The following USP48 variants were observed in gnomAD, a reference collection of about 807,000 sequenced individuals.
USP48 encodes ubiquitin carboxyl-terminal hydrolase 48.
Under a neutral mutation model 150.7 loss-of-function variants are expected in USP48, and 43 were observed. That is an observed-to-expected ratio of 0.29 (90% CI 0.22 to 0.37). The LOEUF (loss-of-function observed/expected upper bound fraction) is 0.37. USP48 is among the 10% of genes least tolerant of loss of function. The pLI, the probability that USP48 is intolerant of heterozygous loss-of-function variation, is 1.00. For synonymous variants in USP48, 396 were observed against 425.9 expected (o/e 0.93, Z 0.86); for missense variants, 813 against 1,249.6 (o/e 0.65, Z 5.27).
At chr1:21,704,525 T>C (rs1557454240) in intron 19 of USP48, 133 bp from the exon 20 acceptor site, 24 of 982,628 alleles carry the variant, frequency 2.4e-5, no homozygotes, top group Non-Finnish European at 3.1e-5. Flanking sequence ...AAAAGATACG[T>C]ATCATCAACA....
In USP48 at chr1:21,748,286, G is replaced by C. The variant is rs1486004649; in HGVS notation, c.775-15C>G. ...AATTTTTCTTCCTGATCAAGAATAA[G>C]ACATATTAATTTTAAAAAGAAGATG... On this transcript the variant is annotated splice_polypyrimidine_tract_variant and intron_variant, in intron 6 of 26. Coordinates refer to ENST00000308271, the MANE Select transcript of USP48 (RefSeq NM_032236.8). 1 of 1,595,666 alleles carries C rather than the reference G, an allele frequency of 6.3e-7. No homozygotes were observed. The highest frequency in any genetic ancestry group is 1.4e-5 in the African/African-American group (1 of 73,996).
chr1:21,718,651 C>T (rs116429882), intron 14 of USP48, among the ~76,000 whole-genome samples: 5 of 151,848 alleles, frequency 3.3e-5, no homozygotes, highest in Non-Finnish European at 4.4e-5. Context: ...CTCCTCCTCC[C>T]GGATTCAAAT....
chr1:21,736,985 T>C (rs1159082791), intron 8 of USP48, among the ~76,000 whole-genome samples: 1 of 152,222 alleles, frequency 6.6e-6, no homozygotes, highest in East Asian at 1.9e-4. Flanking sequence ...ATACTCTCTG[T>C]GTGTTACGAA....
chr1:21,685,587 T>C (rs1388620758), intron 25 of USP48, among the ~76,000 whole-genome samples: 1 of 152,222 alleles, frequency 6.6e-6, no homozygotes, highest in Non-Finnish European at 1.5e-5. Flanking sequence ...AGTGCTGGGA[T>C]TACAGGCATG....
chr1:21,759,085 T>C (rs996217697), intron 1 of USP48, among the ~76,000 whole-genome samples: 9 of 144,402 alleles, frequency 6.2e-5, no homozygotes, highest in African/African-American at 2.3e-4. Context: ...TGGAGGCTGA[T>C]GCAGGAGAAT....
At chr1:21,704,163 C>G (rs1168039252) in intron 20 of USP48, 99 bp downstream of exon 20, 22 of 1,414,562 alleles carry the variant, frequency 1.6e-5, no homozygotes, top group Non-Finnish European at 2.0e-5. Context: ...TTGGGACCGC[C>G]GCATGATCTT....
At chr1:21,764,779 T>C (rs1047207251) in intron 1 of USP48, among the ~76,000 whole-genome samples, 3 of 151,382 alleles carry the variant, frequency 2.0e-5, no homozygotes, top group African/African-American at 7.3e-5. Flanking sequence ...CACTGGAGAT[T>C]AGCAACCTTT....
chr1:21,748,914 A>C (rs932384037), intron 6 of USP48, among the ~76,000 whole-genome samples: 1 of 152,186 alleles, frequency 6.6e-6, no homozygotes, highest in South Asian at 2.1e-4. Flanking sequence ...TGTCTCAAAA[A>C]AATGAAGAAA....
At chr1:21,707,121 T>C (rs779607994) in intron 15 of USP48, among the ~76,000 whole-genome samples, 4 of 152,014 alleles carry the variant, frequency 2.6e-5, no homozygotes, top group Non-Finnish European at 5.9e-5. Flanking sequence ...AAAAAAATCA[T>C]GAGATAAAAA....
At chr1:21,736,399 A>G in intron 9 of USP48, 47 bp downstream of exon 9, 1 of 1,501,624 alleles carries the variant, frequency 6.7e-7, no homozygotes. Flanking sequence ...ATTTCTAGTA[A>G]AATAAATTTA....
chr1:21,743,880 T>C (rs1303241927), intron 8 of USP48, among the ~76,000 whole-genome samples: 3 of 151,988 alleles, frequency 2.0e-5, no homozygotes, highest in East Asian at 1.9e-4. Context: ...ACTTCAACTA[T>C]AGAAGGACAA....
chr1:21,751,589 T>C lies in USP48; in HGVS notation c.692A>G (p.Lys231Arg). 6.2e-7 allele frequency: 1 copy of C among 1,613,920 alleles called. No homozygotes were observed. The highest frequency in any genetic ancestry group is 1.1e-5 in the South Asian group (1 of 91,076). The change falls in exon 6 of 27, where the codon AAG (lysine) becomes AGG (arginine). Residue 231 changes from lysine to arginine, a missense_variant. By Grantham distance (26) the Lys-to-Arg change is conservative. Coordinates refer to ENST00000308271, the MANE Select transcript of USP48 (RefSeq NM_032236.8). ...TVCNQCGRES[K>R]LLSKFYELEL... is the part of the protein sequence containing the mutation. The stretch of plus-strand genomic sequence containing the variant: ...CAGCTCATAAAATTTTGACAAAAGC[T>C]TAGACTCTCTGCCACACTGGTTGCA...
At chr1:21,683,573 GA>G (rs1486324811) in intron 25 of USP48, among the ~76,000 whole-genome samples, 6 of 152,170 alleles carry the variant, frequency 3.9e-5, no homozygotes, top group African/African-American at 1.4e-4. Context: ...TTGTAGTAGA[GA>G]CAGGGTCTCA....
chr1:21,706,309 C>T (rs2097672464), intron 17 of USP48, 122 bp from the exon 18 acceptor site: 2 of 1,489,404 alleles, frequency 1.3e-6, no homozygotes, highest in East Asian at 2.3e-5. Flanking sequence ...ACACAGTCCT[C>T]TACCAAAAAA....
chr1:21,778,246 C>G (rs545829586), intron 1 of USP48, among the ~76,000 whole-genome samples: 1 of 151,806 alleles, frequency 6.6e-6, no homozygotes, highest in South Asian at 2.1e-4. Context: ...AGACATTTCT[C>G]AAAAAAGATA....
intron 1 of USP48, among the ~76,000 whole-genome samples, chr1:21,780,717 A>G (rs1299258748): frequency 1.3e-5 from 2 of 151,590 alleles, no homozygotes; most frequent in African/African-American, 4.8e-5. Flanking sequence ...CATACAGGGC[A>G]TACAGAGCCA....
At chr1:21,702,666 G>A (rs147260881) in intron 21 of USP48, among the ~76,000 whole-genome samples, 2 of 152,136 alleles carry the variant, frequency 1.3e-5, no homozygotes, top group African/African-American at 4.8e-5. Flanking sequence ...TCCTTGGTAT[G>A]ATGTATAAAA....
At chr1:21,680,881 TGACA>T (rs146244261) in intron 25 of USP48, 47 bp from the exon 26 acceptor site, 425 of 1,459,688 alleles carry the variant, frequency 2.9e-4, no homozygotes, top group Non-Finnish European at 3.5e-4. Flanking sequence ...AAGATTGTCG[TGACA>T]GACAGTAATA....
intron 23 of USP48, among the ~76,000 whole-genome samples, chr1:21,693,511 G>C (rs1222729423): frequency 6.6e-6 from 1 of 152,168 alleles, no homozygotes. Flanking sequence ...CACCTCTGGG[G>C]GCTGTGTGAA....
Sources: allele counts gnomAD v4.1 joint callset (sites outside exome capture counted in the v4.1 genomes callset), GRCh38; gene constraint gnomAD v4.1.1; transcripts MANE v1.5; gene names NCBI Gene and HGNC (gene_info 2026-07-23, HGNC 2026-07-21).